STON2: variants seen among roughly 807,000 people sequenced by gnomAD.
STON2 encodes the protein stonin 2.
In STON2, 29 loss-of-function variants were observed where a neutral mutation model predicts 65.7. That is an observed-to-expected ratio of 0.44 (90% confidence interval 0.33 to 0.60). The LOEUF is 0.60. STON2 is among the 20% of genes least tolerant of loss of function. The pLI, the probability that STON2 is intolerant of heterozygous loss-of-function variation, is 0.03. For missense variants in STON2, 1,054 were observed against 1,118.1 expected (o/e 0.94, Z 0.82); for synonymous variants, 404 against 414.2 (o/e 0.98, Z 0.30).
chr14:81,419,787 TCTACA>T (rs1901614362), intron 2 of STON2, among the ~76,000 whole-genome samples: 1 of 152,180 alleles, frequency 6.6e-6, no homozygotes, highest in African/African-American at 2.4e-5. Flanking sequence ...AGGCCAAGCT[TCTACA>T]CTAGTGTTTT....
intron 5 of STON2, among the ~76,000 whole-genome samples, chr14:81,280,926 G>T (rs940768036): frequency 1.4e-4 from 21 of 151,416 alleles, no homozygotes; most frequent in Non-Finnish European, 1.3e-4. Flanking sequence ...CAGGAGAAGT[G>T]CTTGAACCTG....
At chr14:81,434,673 A>C (rs187503603) in intron 1 of STON2, among the ~76,000 whole-genome samples, 1 of 152,230 alleles carries the variant, frequency 6.6e-6, no homozygotes, top group Non-Finnish European at 1.5e-5. Context: ...AAGCTTTGAG[A>C]AGGTTTTTTG....
At position 81,432,589 on chromosome 14, in the gene STON2, T is replaced by C. The variant is rs75636541; in HGVS notation, c.-310+3732A>G. Among the ~76,000 whole-genome samples the C allele has an allele frequency of 5.3e-3, 803 of 152,288 alleles. 8 individuals carry two copies. The highest frequency in any genetic ancestry group is 0.019 in the African/African-American group (773 of 41,548). The stretch of plus-strand genomic sequence containing the variant: ...AGTGTGATGGATCAGGATTGGAATA[T>C]GTGGACAGGCCTGAGTGAGAGGTCT... On this transcript the variant is annotated intron_variant, in intron 1 of 8. Transcript: ENST00000553821.
Position 81,260,849 on chromosome 14 carries a change from C to T in STON2, c.*7565G>A, listed in dbSNP as rs1266521855. The T allele has an allele frequency of 1.3e-5, 2 of 151,526 alleles. No individual in the cohort carries two copies. Among genetic ancestry groups the T allele is most frequent in the African/African-American group, 4.8e-5 (2 of 41,248 alleles). The allele number at this position is 151,526 out of a possible 1,614,324, so 9.4% of individuals were successfully genotyped here. A position where few individuals can be genotyped will look rare whatever the true frequency, so the allele number is the denominator to read the frequency against. On this transcript the variant is annotated 3_prime_UTR_variant, in exon 8 of 8. Transcript: ENST00000614646. ...AACCACAATAGTGCAAGAGGTTACA[C>T]TGAATGAGAATGGATGATGAATGAT...
At chr14:81,349,624 G>T (rs1186009530) in intron 4 of STON2, among the ~76,000 whole-genome samples, 1 of 152,076 alleles carries the variant, frequency 6.6e-6, no homozygotes, top group East Asian at 1.9e-4. Flanking sequence ...CAATACTGCT[G>T]GTGGGAATGT....
chr14:81,401,288 G>A (rs1395282013), upstream of STON2, among the ~76,000 whole-genome samples: 1 of 152,116 alleles, frequency 6.6e-6, no homozygotes, highest in Non-Finnish European at 1.5e-5. Context: ...TCCTCAGAAC[G>A]TATGAACGAA....
chr14:81,361,361 T>G (rs1898486049), intron 4 of STON2, among the ~76,000 whole-genome samples: 1 of 152,080 alleles, frequency 6.6e-6, no homozygotes, highest in Admixed American at 6.6e-5. Context: ...ACATGTACAG[T>G]CATTTGATTT....
intron 5 of STON2, among the ~76,000 whole-genome samples, chr14:81,319,533 T>C (rs550683072): frequency 1.4e-4 from 22 of 152,348 alleles, no homozygotes; most frequent in African/African-American, 4.6e-4. Context: ...AGTTTACTTT[T>C]GCAGCTAGAA....
At chr14:81,347,750 A>C (rs1566920510) in intron 4 of STON2, among the ~76,000 whole-genome samples, 2 of 150,224 alleles carry the variant, frequency 1.3e-5, no homozygotes, top group African/African-American at 5.0e-5. Context: ...TTCTCTATAA[A>C]ATATAAAAAC....
intron 4 of STON2, among the ~76,000 whole-genome samples, chr14:81,365,380 C>A (rs1898674383): frequency 1.3e-5 from 2 of 152,192 alleles, no homozygotes; most frequent in South Asian, 4.1e-4. Context: ...CTGCTATGTG[C>A]TTCATCCAGT....
rs557953418 is a variant in STON2 at position 81,281,574 on chromosome 14, G to T, written c.743-2835C>A. Among the ~76,000 whole-genome samples the T allele has an allele frequency of 1.4e-4, 22 of 152,264 alleles. No individual in the cohort carries two copies. In the South Asian group the frequency reaches 3.9e-3, roughly 27 times the overall value. On this transcript the variant is annotated intron_variant, in intron 5 of 7. Transcript: ENST00000614646. ...TGAAGTCCTTTTTCTTTGGAGGGCG[G>T]CTTTCTGCCAAAGCTGTTTACACTT...
chr14:81,265,657 T>C lies in STON2; in HGVS notation c.*2757A>G, dbSNP rs916981425. 7.7e-6 allele frequency: 4 copies of C among 519,856 alleles called. No homozygotes were observed. In the African/African-American group the frequency reaches 8.1e-5, roughly 11 times the overall value. The allele number at this position is 519,856 out of a possible 1,614,324, so 32.2% of individuals were successfully genotyped here. A position where few individuals can be genotyped will look rare whatever the true frequency, so the allele number is the denominator to read the frequency against. ...CGAAACTTTGTCTCAGTAATAATAA[T>C]AATAATAATAATAATAATACTCTGT... On this transcript the variant is annotated 3_prime_UTR_variant, in exon 8 of 8. Coordinates refer to ENST00000614646, the MANE Select transcript of STON2 (RefSeq NM_001394390.1).
In STON2 at chr14:81,371,072, T is replaced by C. The variant is rs774820378; in HGVS notation, c.487A>G (p.Ser163Gly). Residue 163 changes from serine to glycine, a missense_variant, in exon 4 of 8, where the codon AGC becomes GGC. Transcript: ENST00000614646. ...TTHSEDTSSP[S>G]FGCSYTDLQL... The stretch of plus-strand genomic sequence containing the variant: ...AGATCTGTATACGAACATCCAAAGC[T>C]AGGACTGCTGGTGTCTTCAGAATGG... 40 of 1,613,920 alleles carry C rather than the reference T, an allele frequency of 2.5e-5. No individual in the cohort carries two copies. Among genetic ancestry groups the C allele is most frequent in the Non-Finnish European group, 3.2e-5 (38 of 1,180,012 alleles).
chr14:81,308,312 T>C (rs764488071), intron 5 of STON2, among the ~76,000 whole-genome samples: 1 of 152,180 alleles, frequency 6.6e-6, no homozygotes, highest in Non-Finnish European at 1.5e-5. Flanking sequence ...CAAGCAATTC[T>C]CATGCCTCAG....
intron 4 of STON2, among the ~76,000 whole-genome samples, chr14:81,342,634 A>G (rs373501630): frequency 4.6e-5 from 7 of 152,138 alleles, no homozygotes; most frequent in African/African-American, 1.2e-4. Flanking sequence ...CCCGGTCCCC[A>G]TAAGTCTAGG....
At chr14:81,316,093 G>A (rs1244361787) in intron 5 of STON2, among the ~76,000 whole-genome samples, 1 of 152,170 alleles carries the variant, frequency 6.6e-6, no homozygotes, top group Non-Finnish European at 1.5e-5. Flanking sequence ...AAAACACGTT[G>A]TTTAACTACA....
chr14:81,316,030 A>G (rs890100188), intron 5 of STON2, among the ~76,000 whole-genome samples: 15 of 152,232 alleles, frequency 9.9e-5, no homozygotes, highest in African/African-American at 3.6e-4. Flanking sequence ...GGAGAAAAAT[A>G]CCAATAAAAA....
At chr14:81,315,786 A>G (rs1203275419) in intron 5 of STON2, among the ~76,000 whole-genome samples, 1 of 152,342 alleles carries the variant, frequency 6.6e-6, no homozygotes, top group African/African-American at 2.4e-5. Flanking sequence ...TGGTAAACAG[A>G]GCAGACATGG....
intron 6 of STON2, among the ~76,000 whole-genome samples, chr14:81,273,075 T>C (rs1894664312): frequency 6.6e-6 from 1 of 152,222 alleles, no homozygotes; most frequent in Non-Finnish European, 1.5e-5. Flanking sequence ...TGGACAACTC[T>C]TTTAATCTAA....
Sources: allele counts gnomAD v4.1 joint callset (sites outside exome capture counted in the v4.1 genomes callset), GRCh38; gene constraint gnomAD v4.1.1; transcripts MANE v1.5; gene names NCBI Gene and HGNC (gene_info 2026-07-23, HGNC 2026-07-21).